The following MAML3 variants were observed in gnomAD, a reference collection of about 807,000 sequenced individuals.
MAML3 encodes the protein mastermind like transcriptional coactivator 3.
A neutral mutation model predicts 101.9 loss-of-function variants in MAML3; 27 were observed. That is an observed-to-expected ratio of 0.27 (90% CI 0.20 to 0.37). The LOEUF (loss-of-function observed/expected upper bound fraction) is 0.37, where lower values mean the gene tolerates loss of function less well. Among genes scored for constraint, MAML3 ranks in the 10% least tolerant of loss-of-function variants. The probability of loss-of-function intolerance (pLI) is 1.00; values close to 1 mark genes in which losing one functional copy is unlikely to be tolerated. For missense variants in MAML3, 1,316 were observed against 1,444.9 expected (o/e 0.91, Z 1.45); for synonymous variants, 501 against 555.9 (o/e 0.90, Z 1.39).
chr4:139,901,572 G>A (rs192285971), intron 1 of MAML3, among the ~76,000 whole-genome samples: 2 of 152,292 alleles, frequency 1.3e-5, no homozygotes, highest in Admixed American at 1.3e-4. Context: ...ATTTAGAGCT[G>A]TAAAGAAATG....
chr4:139,943,864 CTTTTTTTTTTT>C lies in MAML3; in HGVS notation c.469-52908_469-52898del, dbSNP rs10644498. On this transcript the variant is annotated intron_variant, in intron 1 of 4. Transcript: ENST00000509479. Reference sequence around the variant, plus strand: ...GGTTGGGTTGTGGGCCTAAAGACAACTTTTTTTTTTTTTTTTTTTTTTTTGAGACGGAATCT... The same window carrying C: ...GGTTGGGTTGTGGGCCTAAAGACAACTTTTTTTTTTTTTGAGACGGAATCT... Among the ~76,000 whole-genome samples, 14 of 65,864 alleles carry C rather than the reference CTTTTTTTTTTT, an allele frequency of 2.1e-4. 2 individuals carry two copies. Among genetic ancestry groups the C allele is most frequent in the African/African-American group, 7.0e-4 (12 of 17,084 alleles). The allele number at this position is 65,864 out of a possible 152,430, so 43.2% of individuals were successfully genotyped here.
intron 1 of MAML3, 138 bp downstream of exon 1, chr4:140,152,722 T>C (rs1729196433): frequency 5.0e-6 from 7 of 1,413,488 alleles, no homozygotes; most frequent in Non-Finnish European, 6.5e-6. Context: ...AAAGTTGACG[T>C]TAACCCTTAG....
At chr4:140,135,009 G>A (rs1728861200) in intron 1 of MAML3, among the ~76,000 whole-genome samples, 1 of 152,182 alleles carries the variant, frequency 6.6e-6, no homozygotes, top group Non-Finnish European at 1.5e-5. Context: ...AAAGAAACCA[G>A]AATGGGTGTC....
intron 4 of MAML3, among the ~76,000 whole-genome samples, chr4:139,725,454 T>C (rs1377543093): frequency 6.6e-6 from 1 of 152,150 alleles, no homozygotes; most frequent in African/African-American, 2.4e-5. Flanking sequence ...ATTACAATAC[T>C]ATGTACCTTT....
At chr4:140,027,600 A>C (rs567450917) in intron 1 of MAML3, among the ~76,000 whole-genome samples, 1 of 152,344 alleles carries the variant, frequency 6.6e-6, no homozygotes, top group African/African-American at 2.4e-5. Context: ...GTTCGCGTCT[A>C]CAAATTTAAT....
intron 1 of MAML3, among the ~76,000 whole-genome samples, chr4:140,054,368 C>CAAA (rs1344234590): frequency 2.9e-5 from 2 of 69,028 alleles, no homozygotes; most frequent in Non-Finnish European, 2.9e-5. Flanking sequence ...GACTCCGTCT[C>CAAA]AAAAAAAAAA....
intron 1 of MAML3, among the ~76,000 whole-genome samples, chr4:140,130,706 C>T (rs2111039275): frequency 6.6e-6 from 1 of 152,270 alleles, no homozygotes; most frequent in African/African-American, 2.4e-5. Context: ...ACAGGCCTAG[C>T]TTACAAGCCA....
At position 139,769,014 on chromosome 4, in the gene MAML3, C is replaced by T. The variant is rs117381962; in HGVS notation, c.2080-38347G>A. On this transcript the variant is annotated intron_variant, in intron 2 of 4. Transcript: ENST00000509479. ...GGGGCTGACTGAGCCCCAGTCCTGA[C>T]TGTGACTGCTTTGGTAACAACAAGG... Among the ~76,000 whole-genome samples the T allele has an allele frequency of 6.3e-3, 963 of 152,362 alleles. 18 individuals carry two copies. In the East Asian group the frequency reaches 0.085, roughly 13 times the overall value.
chr4:140,065,543 C>T (rs1401014785), intron 1 of MAML3, among the ~76,000 whole-genome samples: 2 of 152,154 alleles, frequency 1.3e-5, no homozygotes, highest in Admixed American at 1.3e-4. Flanking sequence ...GGAATAAACT[C>T]GATGCAGACA....
At chr4:139,991,354 GA>G (rs1219827691) in intron 1 of MAML3, among the ~76,000 whole-genome samples, 2 of 152,182 alleles carry the variant, frequency 1.3e-5, no homozygotes, top group African/African-American at 2.4e-5. Context: ...GCCATATGTA[GA>G]AAGCTGAAAC....
At chr4:139,740,898 T>C (rs1332469614) in intron 2 of MAML3, among the ~76,000 whole-genome samples, 1 of 152,182 alleles carries the variant, frequency 6.6e-6, no homozygotes, top group South Asian at 2.1e-4. Flanking sequence ...GAAGAGGCCT[T>C]CCACAAGCTG....
intron 1 of MAML3, among the ~76,000 whole-genome samples, chr4:139,900,807 A>C (rs1054866064): frequency 6.6e-6 from 1 of 152,350 alleles, no homozygotes; most frequent in East Asian, 1.9e-4. Flanking sequence ...TAAATGTTTC[A>C]ATATATTATT....
intron 1 of MAML3, among the ~76,000 whole-genome samples, chr4:140,070,115 C>CAAATAAATAAATAAAT (rs60471093): frequency 2.7e-4 from 40 of 149,876 alleles, no homozygotes; most frequent in African/African-American, 8.3e-4. Flanking sequence ...GACTCCATCT[C>CAAATAAATAAATAAAT]AAATAAATAA....
chr4:140,145,864 T>TTTTTCTC (rs1729051935), intron 1 of MAML3, among the ~76,000 whole-genome samples: 2 of 61,018 alleles, frequency 3.3e-5, no homozygotes, highest in Admixed American at 2.3e-4. Context: ...CGCCTGGCCT[T>TTTTTCTC]TTTTTTCTTT....
intron 1 of MAML3, among the ~76,000 whole-genome samples, chr4:140,053,149 T>C (rs1727295772): frequency 6.6e-6 from 1 of 152,086 alleles, no homozygotes; most frequent in African/African-American, 2.4e-5. Context: ...GACGGTAATA[T>C]GAACAGCAGC....
At chr4:139,972,105 G>A (rs1033008321) in intron 1 of MAML3, among the ~76,000 whole-genome samples, 2 of 152,016 alleles carry the variant, frequency 1.3e-5, no homozygotes, top group African/African-American at 4.8e-5. Context: ...AGGATGTACA[G>A]GTTTGTTACA....
At chr4:139,959,060 G>T (rs1733962149) in intron 1 of MAML3, among the ~76,000 whole-genome samples, 2 of 152,166 alleles carry the variant, frequency 1.3e-5, no homozygotes, top group African/African-American at 2.4e-5. Context: ...TGTTGAGACT[G>T]AATCAAGGAG....
intron 2 of MAML3, among the ~76,000 whole-genome samples, chr4:139,877,137 G>C (rs745705245): frequency 3.3e-4 from 50 of 152,070 alleles, no homozygotes; most frequent in Non-Finnish European, 6.0e-4. Flanking sequence ...AAAACATATA[G>C]GTAAATTGCA....
intron 2 of MAML3, among the ~76,000 whole-genome samples, chr4:139,759,159 G>T (rs1578587032): frequency 6.6e-6 from 1 of 152,198 alleles, no homozygotes; most frequent in African/African-American, 2.4e-5. Context: ...GGGGAAGACA[G>T]AAATGTGTCC....
Sources: gnomAD v4.1 joint callset for allele counts (sites outside exome capture counted in the v4.1 genomes callset) on GRCh38, gnomAD v4.1.1 for gene constraint, MANE v1.5 for transcripts, NCBI Gene and HGNC (gene_info 2026-07-23, HGNC 2026-07-21) for gene names.